IQCE: variants seen among roughly 807,000 people sequenced by gnomAD.
The protein encoded by IQCE is IQ domain-containing protein E.
A neutral mutation model predicts 96.0 loss-of-function variants in IQCE; 115 were observed. That is an observed-to-expected ratio of 1.20 (90% CI 1.03 to 1.40). The LOEUF is 1.40. IQCE is among the 40% of genes most tolerant of loss of function. The pLI, the probability that IQCE is intolerant of heterozygous loss-of-function variation, is 0.00. For synonymous variants in IQCE, 412 were observed against 371.2 expected (o/e 1.11, Z -1.26); for missense variants, 1,041 against 909.1 (o/e 1.15, Z -1.87).
chr7:2,583,226 G>A (rs1048862812), intron 9 of IQCE, among the ~76,000 whole-genome samples: 2 of 152,222 alleles, frequency 1.3e-5, no homozygotes, highest in African/African-American at 4.8e-5. Context: ...AGACCGAGGG[G>A]ATGGCCTGAC....
chr7:2,562,957 A>C (rs553063455), intron 1 of IQCE, among the ~76,000 whole-genome samples: 1 of 150,580 alleles, frequency 6.6e-6, no homozygotes, highest in South Asian at 2.1e-4. Context: ...ACAGAACCTC[A>C]CTCTGTTGTC....
intron 14 of IQCE, 125 bp from the exon 15 acceptor site, chr7:2,592,897 C>T (rs1783717600): frequency 9.5e-7 from 1 of 1,053,828 alleles, no homozygotes; most frequent in Admixed American, 2.3e-5. Context: ...TTTTGTGCTC[C>T]TCCTGCCCCA....
intron 17 of IQCE, 123 bp downstream of exon 17, chr7:2,598,755 G>C (rs758420508): frequency 1.2e-6 from 1 of 808,100 alleles, no homozygotes; most frequent in Non-Finnish European, 1.8e-6. Flanking sequence ...TCTGAGCACC[G>C]TAACATACAG....
chr7:2,584,297 G>A lies in IQCE; in HGVS notation c.824+12G>A, dbSNP rs548363937. ...ACCACCGGAAAGAAGTATGATGGCC[G>A]CTTGCAAGCTGTGTTTTGTGTGTTG... On this transcript the variant is annotated intron_variant, in intron 11 of 21. Transcript: ENST00000402050. 50 of 1,613,194 alleles carry A rather than the reference G, an allele frequency of 3.1e-5. 2 individuals are homozygous for A. In the South Asian group the frequency reaches 4.5e-4, roughly 15 times the overall value.
chr7:2,586,228 C>A lies in IQCE; in HGVS notation c.845C>A (p.Thr282Lys). Residue 282 changes from threonine to lysine, a missense_variant, in exon 12 of 22, where the codon ACG (threonine) becomes AAG (lysine). Thr to Lys is a moderately conservative substitution (Grantham distance 78). Coordinates refer to ENST00000402050, the MANE Select transcript of IQCE (RefSeq NM_152558.5). ...TCCAGGCCCCTGGGGGAGAAGAAGA[C>A]GGGCGCCAAAAGGCAGAAGAAGATG... Reference protein sequence around the residue: ...TGKKPLGEKKTGAKRQKKMGS... With the variant: ...TGKKPLGEKKKGAKRQKKMGS... The A allele has an allele frequency of 6.2e-7, 1 of 1,613,630 alleles. No homozygotes were observed. The highest frequency in any genetic ancestry group is 1.7e-4 in the Middle Eastern group (1 of 6,054).
At chr7:2,567,598 C>T (rs1190708239) in intron 2 of IQCE, among the ~76,000 whole-genome samples, 1 of 152,222 alleles carries the variant, frequency 6.6e-6, no homozygotes, top group Non-Finnish European at 1.5e-5. Context: ...GAGTGGTGTC[C>T]GATGGCCCAG....
At chr7:2,578,813 C>T (rs932821668) in intron 8 of IQCE, among the ~76,000 whole-genome samples, 30 of 152,296 alleles carry the variant, frequency 2.0e-4, no homozygotes, top group Admixed American at 5.9e-4. Flanking sequence ...GCGCTCCCAG[C>T]GCTTTGGGAG....
chr7:2,582,351 ACCT>A (rs947979598), intron 8 of IQCE, among the ~76,000 whole-genome samples: 1 of 152,002 alleles, frequency 6.6e-6, no homozygotes, highest in Non-Finnish European at 1.5e-5. Flanking sequence ...GATGGCTGCC[ACCT>A]CCTGCTCCAG....
rs1384083168 is a variant in IQCE, at chr7:2,613,219, CACT to C, written c.*3058_*3060del. ...ACAGCAGTCACGTCTGTTGAGCTGA[CACT>C]GCTGAGGCTGAAGCTGGCCCCGTGC... On this transcript the variant is annotated 3_prime_UTR_variant, in exon 22 of 22. Transcript: ENST00000402050. The C allele has an allele frequency of 3.9e-5, 6 of 152,310 alleles. No homozygotes were observed. The highest frequency in any genetic ancestry group is 1.4e-4 in the African/African-American group (6 of 41,438). The allele number at this position is 152,310 out of a possible 1,614,324, so 9.4% of individuals were successfully genotyped here.
Position 2,589,940 on chromosome 7 carries a change from G to C in IQCE, c.1078G>C (p.Ala360Pro), listed in dbSNP as rs1435243721. 6.2e-7 allele frequency: 1 copy of C among 1,613,798 alleles called. No individual in the cohort carries two copies. Among genetic ancestry groups the C allele is most frequent in the Non-Finnish European group, 8.5e-7 (1 of 1,180,042 alleles). The change falls in exon 14 of 22, where the codon GCC (alanine) becomes CCC (proline). Residue 360 changes from alanine (A) to proline (P), a missense_variant. By Grantham distance (27) the Ala-to-Pro change is conservative. Coordinates refer to ENST00000402050, the MANE Select transcript of IQCE (RefSeq NM_152558.5). Reference protein sequence around the residue: ...LSVMESSKSHAAEPVRSHPPA... With the variant: ...LSVMESSKSHPAEPVRSHPPA... Reference sequence around the variant, plus strand: ...TGTGATGGAGAGCTCAAAATCACACGCCGCAGAGCCAGTCAGATCACACCC... The same window carrying C: ...TGTGATGGAGAGCTCAAAATCACACCCCGCAGAGCCAGTCAGATCACACCC...
chr7:2,561,566 G>A (rs985294022), intron 1 of IQCE, among the ~76,000 whole-genome samples: 7 of 151,904 alleles, frequency 4.6e-5, no homozygotes, highest in African/African-American at 1.7e-4. Flanking sequence ...GACTACAGGC[G>A]CCCGCCACCA....
Position 2,587,877 on chromosome 7 carries a change from G to C in IQCE, c.1044G>C (p.Lys348Asn). The C allele has an allele frequency of 6.2e-7, 1 of 1,614,022 alleles. No homozygotes were observed. The highest frequency in any genetic ancestry group is 8.5e-7 in the Non-Finnish European group (1 of 1,179,930). ...RLLRRIVELE[K>N]KLSVMESSKS... ...TGAGGCGCATTGTGGAGCTGGAGAAGGTGAGCGGGCGTCTCAGTGCCACTG... is the reference window on the plus strand; with the variant it reads ...TGAGGCGCATTGTGGAGCTGGAGAACGTGAGCGGGCGTCTCAGTGCCACTG... The change falls in exon 13 of 22, where the codon AAG (lysine) becomes AAC (asparagine). Residue 348 changes from lysine to asparagine, a missense_variant and splice_region_variant. Coordinates refer to ENST00000402050, the MANE Select transcript of IQCE (RefSeq NM_152558.5).
chr7:2,571,709 T>A, intron 4 of IQCE, 55 bp downstream of exon 4: 1 of 1,551,780 alleles, frequency 6.4e-7, no homozygotes, highest in South Asian at 1.1e-5. Context: ...GTTCGAGAAA[T>A]TTCAGGGAGT....
intron 5 of IQCE, 104 bp downstream of exon 5, chr7:2,572,430 C>G: frequency 8.0e-7 from 1 of 1,246,660 alleles, no homozygotes; most frequent in South Asian, 1.5e-5. Flanking sequence ...TTTCTGGCTT[C>G]GTGCATGAGC....
At chr7:2,609,066 C>G (rs887289321) in intron 21 of IQCE, among the ~76,000 whole-genome samples, 1 of 152,206 alleles carries the variant, frequency 6.6e-6, no homozygotes, top group East Asian at 1.9e-4. Flanking sequence ...TCAGGCTCCC[C>G]GGCAAGGAGC....
rs916365058 is a variant in IQCE, at chr7:2,612,009, C to G, written c.*1847C>G. 1 of 152,104 alleles carries G rather than the reference C, an allele frequency of 6.6e-6. No individual in the cohort carries two copies. Among genetic ancestry groups the G allele is most frequent in the Non-Finnish European group, 1.5e-5 (1 of 68,044 alleles). The allele number at this position is 152,104 out of a possible 1,614,324, so 9.4% of individuals were successfully genotyped here. A position where few individuals can be genotyped will look rare whatever the true frequency, so the allele number is the denominator to read the frequency against. On this transcript the variant is annotated 3_prime_UTR_variant, in exon 22 of 22. Transcript: ENST00000402050. Reference sequence around the variant, plus strand: ...TCAGGTCCTAGGAGCCAGTCCACCTCGAAAGCCCTGAGAAAGTGAGACACC... The same window carrying G: ...TCAGGTCCTAGGAGCCAGTCCACCTGGAAAGCCCTGAGAAAGTGAGACACC...
intron 1 of IQCE, among the ~76,000 whole-genome samples, chr7:2,563,509 T>C (rs1234011547): frequency 1.3e-5 from 2 of 151,998 alleles, no homozygotes; most frequent in Non-Finnish European, 1.5e-5. Flanking sequence ...CGCCCGGCCC[T>C]GCTTTTGTTT....
chr7:2,593,223 G>A (rs62439484), intron 15 of IQCE, 97 bp downstream of exon 15: 102,613 of 1,474,496 alleles, frequency 0.07, 4,082 homozygotes, highest in Non-Finnish European at 0.078. Context: ...GCTGCCAGCC[G>A]GCTTCTTAGA....
In IQCE at chr7:2,601,425, C is replaced by T. The variant is rs372851659; in HGVS notation, c.1609-16C>T. On this transcript the variant is annotated splice_polypyrimidine_tract_variant and intron_variant, in intron 17 of 21. Coordinates refer to ENST00000402050, the MANE Select transcript of IQCE (RefSeq NM_152558.5). ...GTGTTAATTCATGTATTTTTTCTTT[C>T]TTTTTTTTTTTCCAGAAAAAAAAGG... The T allele has an allele frequency of 8.9e-6, 11 of 1,229,616 alleles. No homozygotes were observed. Among genetic ancestry groups the T allele is most frequent in the African/African-American group, 1.6e-5 (1 of 63,726 alleles). 76.2% of individuals were successfully genotyped at this position (1,229,616 alleles called of 1,614,324 possible).
Sources: allele counts gnomAD v4.1 joint callset (sites outside exome capture counted in the v4.1 genomes callset), GRCh38; gene constraint gnomAD v4.1.1; transcripts MANE v1.5; gene names NCBI Gene and HGNC (gene_info 2026-07-23, HGNC 2026-07-21).